Variants in KIF16B observed in about 807,000 individuals in gnomAD.
The protein encoded by KIF16B is kinesin family member 16B, also known as kinesin-like protein KIF16B.
A neutral mutation model predicts 156.3 loss-of-function variants in KIF16B; 98 were observed. The observed-to-expected ratio is 0.63, with a 90% CI of 0.53 to 0.74. The LOEUF is 0.74. KIF16B is among the 30% of genes least tolerant of loss of function. The pLI is 0.00. For missense variants in KIF16B, 1,421 were observed against 1,606.5 expected, an observed-to-expected ratio of 0.88 and a Z score of 1.97; for synonymous variants, 564 against 583.7, an observed-to-expected ratio of 0.97 and a Z score of 0.49.
At position 16,394,826 on chromosome 20, in the gene KIF16B, C is replaced by A. The variant is rs1162452334; in HGVS notation, c.1784+9987G>T. Among the ~76,000 whole-genome samples, 3 of 152,142 alleles carry A rather than the reference C, an allele frequency of 2.0e-5. No homozygotes were observed. In the East Asian group the frequency reaches 5.8e-4, roughly 29 times the overall value. On this transcript the variant is annotated intron_variant, in intron 17 of 25. Coordinates refer to ENST00000354981, the MANE Select transcript of KIF16B (RefSeq NM_024704.5). The stretch of plus-strand genomic sequence containing the variant: ...AATGTGGTCTTCTTCCCTCCCAGGA[C>A]ACGCAGTGGGGACCATGACCTCACA...
At chr20:16,427,270 T>C (rs781770484) in intron 14 of KIF16B, 29 bp from the exon 15 acceptor site, 1 of 1,590,412 alleles carries the variant, frequency 6.3e-7, no homozygotes, top group South Asian at 1.2e-5. Context: ...GTAGAAAGAA[T>C]TTTTCCCCCT....
chr20:16,338,288 A>G (rs1224267710), intron 23 of KIF16B, among the ~76,000 whole-genome samples: 1 of 152,024 alleles, frequency 6.6e-6, no homozygotes, highest in East Asian at 1.9e-4. Context: ...TCTTCACTCC[A>G]ACTTCCAAAT....
chr20:16,447,374 C>A (rs1161076364), intron 12 of KIF16B, among the ~76,000 whole-genome samples: 2 of 151,970 alleles, frequency 1.3e-5, no homozygotes, highest in Non-Finnish European at 2.9e-5. Context: ...GCCTTCAACT[C>A]TGCAGATCGT....
intron 12 of KIF16B, among the ~76,000 whole-genome samples, chr20:16,473,404 A>G (rs577146378): frequency 6.6e-6 from 1 of 152,316 alleles, no homozygotes; most frequent in African/African-American, 2.4e-5. Flanking sequence ...AACATTTCCC[A>G]AGGGTCTGCT....
Position 16,293,567 on chromosome 20 carries a change from A to C in KIF16B, c.3795+18768T>G, listed in dbSNP as rs1023081260. 2.6e-5 allele frequency among the ~76,000 whole-genome samples: 4 copies of C among 152,132 alleles called. No homozygotes were observed. The East Asian group carries it at 7.7e-4, about 29-fold the overall frequency. On this transcript the variant is annotated intron_variant, in intron 25 of 25. Coordinates refer to ENST00000354981, the MANE Select transcript of KIF16B (RefSeq NM_024704.5). ...GGTGTTTCATTAAAGTGAGGGAGTAAATCAAGAAAGGGAAGACATGGGTAC... is the reference window on the plus strand; with the variant it reads ...GGTGTTTCATTAAAGTGAGGGAGTACATCAAGAAAGGGAAGACATGGGTAC...
At chr20:16,533,328 G>C (rs1322537603) in intron 1 of KIF16B, among the ~76,000 whole-genome samples, 1 of 152,126 alleles carries the variant, frequency 6.6e-6, no homozygotes, top group Non-Finnish European at 1.5e-5. Flanking sequence ...TGGCTCCAGG[G>C]AAGCTTGACA....
intron 15 of KIF16B, 88 bp from the exon 16 acceptor site, chr20:16,406,544 G>A (rs2065792058): frequency 1.9e-6 from 2 of 1,069,014 alleles, no homozygotes; most frequent in Admixed American, 3.5e-5. Flanking sequence ...CTGTTGAAAT[G>A]TAATTTCCAG....
chr20:16,307,797 G>A (rs1024759128), intron 25 of KIF16B, among the ~76,000 whole-genome samples: 3 of 152,102 alleles, frequency 2.0e-5, no homozygotes, highest in African/African-American at 7.2e-5. Context: ...CTGGCAGTTC[G>A]AGAAATAGAA....
chr20:16,366,058 T>C (rs1356494979), intron 22 of KIF16B, among the ~76,000 whole-genome samples: 1 of 121,584 alleles, frequency 8.2e-6, no homozygotes, highest in African/African-American at 3.6e-5. Context: ...TGTAACCTGA[T>C]AGGATTTTTG....
At chr20:16,569,970 CTGTG>C (rs10602666) in intron 1 of KIF16B, among the ~76,000 whole-genome samples, 51 of 149,650 alleles carry the variant, frequency 3.4e-4, no homozygotes, top group East Asian at 1.6e-3. Context: ...ATAGATGAAT[CTGTG>C]TGTGTGTGTG....
At chr20:16,486,531 G>A (rs554714109) in intron 12 of KIF16B, among the ~76,000 whole-genome samples, 45 of 152,166 alleles carry the variant, frequency 3.0e-4, no homozygotes, top group African/African-American at 1.1e-3. Flanking sequence ...GAAATTTACT[G>A]AGATCCTACA....
intron 18 of KIF16B, 82 bp from the exon 19 acceptor site, chr20:16,380,245 C>T: frequency 8.0e-7 from 1 of 1,256,628 alleles, no homozygotes; most frequent in Non-Finnish European, 1.0e-6. Flanking sequence ...TCTGAAAATG[C>T]ACATACAACC....
At chr20:16,354,804 GA>G (rs1453821024) in intron 23 of KIF16B, among the ~76,000 whole-genome samples, 1 of 152,140 alleles carries the variant, frequency 6.6e-6, no homozygotes, top group Non-Finnish European at 1.5e-5. Context: ...AAGTCAGCCG[GA>G]CGTGGTGGCA....
intron 12 of KIF16B, among the ~76,000 whole-genome samples, chr20:16,431,938 ACG>A (rs1555883229): frequency 1.3e-5 from 2 of 150,262 alleles, no homozygotes; most frequent in Non-Finnish European, 3.0e-5. Context: ...ACACACACAC[ACG>A]CACAAGTTTA....
intron 12 of KIF16B, among the ~76,000 whole-genome samples, chr20:16,436,450 G>T (rs954679346): frequency 1.3e-5 from 2 of 152,114 alleles, no homozygotes; most frequent in African/African-American, 2.4e-5. Context: ...GTTTCCCCAG[G>T]CCTTCACTTA....
At chr20:16,314,043 C>T (rs1015362686) in intron 24 of KIF16B, among the ~76,000 whole-genome samples, 1 of 152,238 alleles carries the variant, frequency 6.6e-6, no homozygotes, top group Admixed American at 6.5e-5. Context: ...TAGTAACTGA[C>T]ACTCCTATCA....
chr20:16,408,021 C>G (rs987683739), intron 15 of KIF16B, among the ~76,000 whole-genome samples: 3 of 152,106 alleles, frequency 2.0e-5, no homozygotes, highest in African/African-American at 7.2e-5. Context: ...CAGTCACTAG[C>G]CTCTTGCTTG....
At chr20:16,333,772 C>T (rs988104993) in intron 24 of KIF16B, among the ~76,000 whole-genome samples, 6 of 152,142 alleles carry the variant, frequency 3.9e-5, no homozygotes, top group African/African-American at 1.4e-4. Context: ...TATATTGGTG[C>T]TCTGAAAACT....
At chr20:16,571,758 T>C (rs2071462520) in intron 1 of KIF16B, among the ~76,000 whole-genome samples, 1 of 151,278 alleles carries the variant, frequency 6.6e-6, no homozygotes, top group Non-Finnish European at 1.5e-5. Flanking sequence ...ACCTCACGAG[T>C]AGCTGGGACT....
Sources: allele counts gnomAD v4.1 joint callset (sites outside exome capture counted in the v4.1 genomes callset), GRCh38; gene constraint gnomAD v4.1.1; transcripts MANE v1.5; gene names NCBI Gene and HGNC (gene_info 2026-07-23, HGNC 2026-07-21).